The following SEMA3E variants were observed in gnomAD, a reference collection of about 807,000 sequenced individuals.
The protein encoded by SEMA3E is semaphorin-3E.
A neutral mutation model predicts 93.6 loss-of-function variants in SEMA3E; 49 were observed. That is an observed-to-expected ratio of 0.52 (90% CI 0.42 to 0.66). The LOEUF (loss-of-function observed/expected upper bound fraction) is 0.66, where lower values mean the gene tolerates loss of function less well. Among genes scored for constraint, SEMA3E ranks in the 30% least tolerant of loss-of-function variants. The pLI is 0.00. For synonymous variants in SEMA3E, 363 were observed against 330.7 expected, an observed-to-expected ratio of 1.10 and a Z score of -1.06; for missense variants, 906 against 964.8, an observed-to-expected ratio of 0.94 and a Z score of 0.81.
chr7:83,466,749 G>A (rs1218933414), intron 3 of SEMA3E, 148 bp from the exon 4 acceptor site: 3 of 942,810 alleles, frequency 3.2e-6, no homozygotes, highest in African/African-American at 3.3e-5. Context: ...GAAGAAAAGA[G>A]GACAAGAACT....
intron 1 of SEMA3E, among the ~76,000 whole-genome samples, chr7:83,553,087 C>T (rs985782931): frequency 6.6e-6 from 1 of 152,142 alleles, no homozygotes; most frequent in Non-Finnish European, 1.5e-5. Context: ...TAAAAACTTG[C>T]TGGCTTGGGG....
At chr7:83,462,300 T>C (rs1005955396) in intron 4 of SEMA3E, 3 of 152,232 alleles carry the variant, frequency 2.0e-5, no homozygotes, top group African/African-American at 7.2e-5. Flanking sequence ...TCCATAACTG[T>C]TGTGGGTATT....
intron 1 of SEMA3E, among the ~76,000 whole-genome samples, chr7:83,645,716 T>G (rs574842010): frequency 2.2e-5 from 2 of 92,288 alleles, no homozygotes; most frequent in Admixed American, 2.4e-4. Flanking sequence ...GTACCTTGTC[T>G]CCTTCTCTCT....
At chr7:83,473,099 C>G (rs531221044) in intron 2 of SEMA3E, among the ~76,000 whole-genome samples, 1 of 152,298 alleles carries the variant, frequency 6.6e-6, no homozygotes, top group African/African-American at 2.4e-5. Context: ...CCACAAGCTA[C>G]CTAAGAATTT....
chr7:83,608,046 A>C (rs962248773), intron 1 of SEMA3E, among the ~76,000 whole-genome samples: 2 of 151,974 alleles, frequency 1.3e-5, no homozygotes, highest in Non-Finnish European at 2.9e-5. Flanking sequence ...CCGCGTCTCT[A>C]CTAAAGACGC....
chr7:83,559,417 T>A (rs1176114854), intron 1 of SEMA3E, among the ~76,000 whole-genome samples: 1 of 152,032 alleles, frequency 6.6e-6, no homozygotes. Context: ...AAAATAGTAG[T>A]GTCAGACATC....
intron 1 of SEMA3E, among the ~76,000 whole-genome samples, chr7:83,567,684 A>T (rs215245): frequency 0.45 from 67,528 of 151,646 alleles, 16,608 homozygotes; most frequent in African/African-American, 0.67. Flanking sequence ...AACTTAAAAA[A>T]TTTTTTTAAA....
intron 1 of SEMA3E, among the ~76,000 whole-genome samples, chr7:83,606,420 T>C (rs1257880571): frequency 6.6e-6 from 1 of 151,616 alleles, no homozygotes; most frequent in African/African-American, 2.4e-5. Flanking sequence ...CACCATGGAA[T>C]ACTATGCAGC....
At chr7:83,443,451 G>C (rs117929031) in intron 4 of SEMA3E, among the ~76,000 whole-genome samples, 1 of 152,200 alleles carries the variant, frequency 6.6e-6, no homozygotes, top group African/African-American at 2.4e-5. Flanking sequence ...CTCCCCTGAT[G>C]TATTCAACCA....
intron 4 of SEMA3E, among the ~76,000 whole-genome samples, chr7:83,448,784 G>T (rs1419757380): frequency 6.6e-6 from 1 of 152,072 alleles, no homozygotes; most frequent in Admixed American, 6.6e-5. Context: ...AAATCATCTG[G>T]TTGACACAGT....
intron 11 of SEMA3E, 81 bp from the exon 12 acceptor site, chr7:83,396,810 G>T: frequency 2.2e-6 from 2 of 906,982 alleles, no homozygotes; most frequent in Non-Finnish European, 3.5e-6. Context: ...CTGGCTGGGT[G>T]CAGTAGCTCA....
intron 1 of SEMA3E, among the ~76,000 whole-genome samples, chr7:83,573,946 A>T (rs73184568): frequency 1.3e-5 from 2 of 152,058 alleles, no homozygotes; most frequent in Non-Finnish European, 2.9e-5. Flanking sequence ...AATCATTTAT[A>T]AAAATATTAA....
intron 1 of SEMA3E, among the ~76,000 whole-genome samples, chr7:83,588,250 C>T (rs547372472): frequency 2.0e-5 from 3 of 152,036 alleles, no homozygotes; most frequent in African/African-American, 7.2e-5. Context: ...GGCATGGTGG[C>T]GGGCACCTGT....
At chr7:83,644,949 T>C (rs1013382368) in intron 1 of SEMA3E, among the ~76,000 whole-genome samples, 1 of 152,170 alleles carries the variant, frequency 6.6e-6, no homozygotes, top group South Asian at 2.1e-4. Flanking sequence ...TTTCTGCAAC[T>C]GCATTCTTGC....
intron 1 of SEMA3E, among the ~76,000 whole-genome samples, chr7:83,563,227 A>C (rs539139331): frequency 6.6e-6 from 1 of 152,186 alleles, no homozygotes; most frequent in South Asian, 2.1e-4. Flanking sequence ...CATGCAGCTT[A>C]TGGTGTCATG....
At chr7:83,473,256 A>C (rs1584272504) in intron 2 of SEMA3E, among the ~76,000 whole-genome samples, 1 of 150,294 alleles carries the variant, frequency 6.7e-6, no homozygotes, top group Non-Finnish European at 1.5e-5. Flanking sequence ...AGGATGCTTA[A>C]GAGTCCTCAG....
At chr7:83,526,993 G>A (rs1390373967) in intron 1 of SEMA3E, among the ~76,000 whole-genome samples, 1 of 152,062 alleles carries the variant, frequency 6.6e-6, no homozygotes, top group South Asian at 2.1e-4. Context: ...TGCAAATAGA[G>A]TCTTATAAGG....
At chr7:83,464,752 CT>C (rs1789713897) in intron 4 of SEMA3E, among the ~76,000 whole-genome samples, 1 of 111,434 alleles carries the variant, frequency 9.0e-6, no homozygotes, top group African/African-American at 2.9e-5. Context: ...AATATCACCC[CT>C]TACCACAAGA....
chr7:83,405,669 A>G (rs1014529767), intron 8 of SEMA3E, 150 bp from the exon 9 acceptor site: 11 of 772,422 alleles, frequency 1.4e-5, no homozygotes, highest in Admixed American at 6.1e-5. Context: ...CCAAGTCATA[A>G]CAGAGCTAAT....
Sources: allele counts gnomAD v4.1 joint callset (sites outside exome capture counted in the v4.1 genomes callset), GRCh38; gene constraint gnomAD v4.1.1; transcripts MANE v1.5; gene names NCBI Gene and HGNC (gene_info 2026-07-23, HGNC 2026-07-21).